The following GALNT2 variants were observed in gnomAD, a reference collection of about 807,000 sequenced individuals.
GALNT2 encodes UDP-GalNAc:polypeptide N-acetylgalactosaminyltransferase 2.
In GALNT2, 31 loss-of-function variants were observed where a neutral mutation model predicts 81.4. The observed-to-expected ratio is 0.38, with a 90% CI of 0.29 to 0.51. The LOEUF (loss-of-function observed/expected upper bound fraction) is 0.51, where lower values mean the gene tolerates loss of function less well. GALNT2 is among the 20% of genes least tolerant of loss of function. GALNT2 has a pLI of 0.87. For synonymous variants in GALNT2, 303 were observed against 287.4 expected (o/e 1.05, Z -0.55); for missense variants, 629 against 765.7 (o/e 0.82, Z 2.11).
chr1:230,086,455 T>C (rs141697923), intron 1 of GALNT2, among the ~76,000 whole-genome samples: 15 of 152,246 alleles, frequency 9.9e-5, no homozygotes, highest in African/African-American at 3.4e-4. Flanking sequence ...AGATAAGAGA[T>C]GGCCCTTGTG....
intron 14 of GALNT2, among the ~76,000 whole-genome samples, chr1:230,267,218 A>G (rs1374288618): frequency 1.3e-5 from 2 of 152,134 alleles, no homozygotes; most frequent in Non-Finnish European, 2.9e-5. Context: ...TGTCCTTTTG[A>G]TAAATATTGT....
intron 14 of GALNT2, among the ~76,000 whole-genome samples, chr1:230,267,226 T>C (rs566393239): frequency 6.6e-6 from 1 of 152,376 alleles, no homozygotes; most frequent in South Asian, 2.1e-4. Context: ...TGATAAATAT[T>C]GTTGGAGGGT....
chr1:230,077,689 A>G (rs1341203088), intron 1 of GALNT2, among the ~76,000 whole-genome samples: 2 of 152,092 alleles, frequency 1.3e-5, no homozygotes, highest in Non-Finnish European at 2.9e-5. Context: ...GTTAGTGCCT[A>G]TTTTCTTCAA....
At chr1:230,141,814 A>T in intron 1 of GALNT2, among the ~76,000 whole-genome samples, 1 of 62,230 alleles carries the variant, frequency 1.6e-5, no homozygotes, top group Non-Finnish European at 3.6e-5. Flanking sequence ...TTTTTTTGAG[A>T]CAGGGTCTCG....
At position 230,235,899 on chromosome 1, in the gene GALNT2, G is replaced by A; in HGVS notation, c.375-115G>A. 10 of 840,728 alleles carry A rather than the reference G, an allele frequency of 1.2e-5. 1 individual carries two copies. The South Asian group carries it at 1.7e-4, about 14-fold the overall frequency. The allele number at this position is 840,728 out of a possible 1,614,324, so 52.1% of individuals were successfully genotyped here. A position where few individuals can be genotyped will look rare whatever the true frequency, so the allele number is the denominator to read the frequency against. On this transcript the variant is annotated intron_variant, in intron 3 of 15. Coordinates refer to ENST00000366672, the MANE Select transcript of GALNT2 (RefSeq NM_004481.5). ...GGCCAGGAACTTCTGCAGATAACAA[G>A]TTAATCATAGCATGTCCATCCCAGT...
intron 3 of GALNT2, among the ~76,000 whole-genome samples, chr1:230,207,189 T>G (rs1355992137): frequency 6.6e-6 from 1 of 151,982 alleles, no homozygotes; most frequent in Non-Finnish European, 1.5e-5. Context: ...ATATATTGAG[T>G]GCCCAATAAA....
At chr1:230,123,725 A>G (rs1471700533) in intron 1 of GALNT2, among the ~76,000 whole-genome samples, 3 of 152,218 alleles carry the variant, frequency 2.0e-5, no homozygotes, top group Non-Finnish European at 4.4e-5. Flanking sequence ...TTTAGAAGGC[A>G]ACAGGTGTAC....
intron 14 of GALNT2, among the ~76,000 whole-genome samples, chr1:230,273,261 T>C (rs1346031204): frequency 6.6e-6 from 1 of 152,216 alleles, no homozygotes; most frequent in Non-Finnish European, 1.5e-5. Flanking sequence ...CATTTATTTG[T>C]GTGTCTTTCA....
chr1:230,065,461 C>T (rs1659151192), upstream of GALNT2, among the ~76,000 whole-genome samples: 1 of 152,054 alleles, frequency 6.6e-6, no homozygotes, highest in Admixed American at 6.5e-5. Flanking sequence ...AAATACGTGA[C>T]ACTTTGTTCA....
intron 11 of GALNT2, 124 bp from the exon 12 acceptor site, chr1:230,262,448 TC>T: frequency 1.3e-6 from 1 of 764,952 alleles, no homozygotes; most frequent in East Asian, 2.5e-5. Context: ...TGTGCCGTGA[TC>T]CCAGCTGGAG....
At chr1:230,207,116 G>A (rs1167348782) in intron 3 of GALNT2, among the ~76,000 whole-genome samples, 2 of 151,868 alleles carry the variant, frequency 1.3e-5, no homozygotes, top group Non-Finnish European at 1.5e-5. Context: ...AGACACCTCC[G>A]GGCACTCAGT....
rs1037403501 is a variant in GALNT2, at chr1:230,243,555, C to T, written c.729+128C>T. The T allele has an allele frequency of 8.3e-7, 1 of 1,198,272 alleles. No individual in the cohort carries two copies. Among genetic ancestry groups the T allele is most frequent in the Admixed American group, 3.3e-5 (1 of 30,010 alleles). 74.2% of individuals were successfully genotyped at this position (1,198,272 alleles called of 1,614,324 possible). A position where few individuals can be genotyped will look rare whatever the true frequency, so the allele number is the denominator to read the frequency against. On this transcript the variant is annotated intron_variant, in intron 7 of 15. Transcript: ENST00000366672. This position sits in a 1 kb window ranked among gnomAD's most constrained non-coding sequence, Gnocchi z 4.2. ...TCAGGGCTGGTAGGGGCTGAGCTCG[C>T]CGTCTGCAGTTTTCCTTGATAGAAG...
At chr1:230,117,885 T>C (rs1250972802) in intron 1 of GALNT2, among the ~76,000 whole-genome samples, 2 of 152,226 alleles carry the variant, frequency 1.3e-5, no homozygotes, top group South Asian at 4.1e-4. Flanking sequence ...ATCTGAAGCA[T>C]ATCAGTGTGA....
In GALNT2 at chr1:230,275,552, C is replaced by T. The variant is rs914872179; in HGVS notation, c.1560+988C>T. 6.0e-5 allele frequency among the ~76,000 whole-genome samples: 9 copies of T among 149,036 alleles called. No homozygotes were observed. The highest frequency in any genetic ancestry group is 4.0e-4 in the East Asian group (2 of 5,050). ...TGCCACATAGATATACATATATAAA[C>T]GCCACATATATATACATATAAACAC... On this transcript the variant is annotated intron_variant, in intron 15 of 15. Transcript: ENST00000366672. The surrounding 1 kb of genome is among the most constrained non-coding windows in gnomAD (Gnocchi z 5.5).
rs539202867 is a variant in GALNT2 at position 230,281,989 on chromosome 1, ATAGT to A, written c.*2533_*2536del. On this transcript the variant is annotated 3_prime_UTR_variant, in exon 16 of 16. Coordinates refer to ENST00000366672, the MANE Select transcript of GALNT2 (RefSeq NM_004481.5). ...TGAGTATGTTTTGCAAATTCAAAAT[ATAGT>A]TTGGTAATTTTTTTTTCCAGTTGAT... 6.6e-6 allele frequency: 1 copy of A among 152,370 alleles called. No homozygotes were observed. Among genetic ancestry groups the A allele is most frequent in the African/African-American group, 2.4e-5 (1 of 41,576 alleles). 9.4% of individuals were successfully genotyped at this position (152,370 alleles called of 1,614,324 possible).
intron 10 of GALNT2, among the ~76,000 whole-genome samples, chr1:230,253,448 A>G (rs1665612205): frequency 6.6e-6 from 1 of 152,140 alleles, no homozygotes; most frequent in African/African-American, 2.4e-5. Flanking sequence ...AACTCACTGT[A>G]TGGTCTGTGA....
chr1:230,065,138 GTCT>G (rs1659142028), upstream of GALNT2, among the ~76,000 whole-genome samples: 1 of 151,914 alleles, frequency 6.6e-6, no homozygotes, highest in African/African-American at 2.4e-5. Flanking sequence ...ATGTATTTTG[GTCT>G]TCCTTTCCTG....
intron 3 of GALNT2, among the ~76,000 whole-genome samples, chr1:230,218,848 C>A (rs956440565): frequency 6.6e-5 from 10 of 152,230 alleles, no homozygotes; most frequent in African/African-American, 2.4e-4. Flanking sequence ...CTGTTAGGAA[C>A]CAGGCCACGC....
At chr1:230,095,889 G>T (rs2057232) in intron 1 of GALNT2, among the ~76,000 whole-genome samples, 1 of 152,134 alleles carries the variant, frequency 6.6e-6, no homozygotes, top group Non-Finnish European at 1.5e-5. Context: ...GGGAGGGAGA[G>T]GCCAAGGCCT....
Sources: gnomAD v4.1 joint callset for allele counts (sites outside exome capture counted in the v4.1 genomes callset) on GRCh38, gnomAD v4.1.1 for gene constraint, Gnocchi (gnomAD v3.1) non-coding constraint, MANE v1.5 for transcripts, NCBI Gene and HGNC (gene_info 2026-07-23, HGNC 2026-07-21) for gene names.